Variants in ACSS1 observed in about 807,000 individuals in gnomAD.
ACSS1 encodes acyl-CoA synthetase short chain family member 1.
Under a neutral mutation model 75.3 loss-of-function variants are expected in ACSS1, and 42 were observed. The observed-to-expected ratio is 0.56, with a 90% CI of 0.44 to 0.72. The LOEUF is 0.72. Among genes scored for constraint, ACSS1 ranks in the 30% least tolerant of loss-of-function variants. The probability of loss-of-function intolerance (pLI) is 0.00; values close to 1 mark genes in which losing one functional copy is unlikely to be tolerated. For synonymous variants in ACSS1, 380 were observed against 376.8 expected (o/e 1.01, Z -0.10); for missense variants, 782 against 935.7 (o/e 0.84, Z 2.14).
chr20:25,020,276 C>T (rs2088598038), intron 6 of ACSS1, 129 bp from the exon 7 acceptor site: 12 of 1,268,576 alleles, frequency 9.5e-6, no homozygotes, highest in Non-Finnish European at 1.1e-5. Context: ...AAAGGGATCC[C>T]CCCAACCCCC....
chr20:25,012,899 G>A lies in ACSS1; in HGVS notation c.1620C>T (p.Gly540=), dbSNP rs762410021. ...TCCGCCCTGTGATCTGGTAATAGCC[G>A]CCCTCAGTTCGGTAAGCCCCGTCTC... ...FTGDGAYRTE[G]GYYQITGRMD... is the part of the protein sequence containing the mutation. The change falls in exon 11 of 14, where the codon GGC becomes GGT. Residue 540 remains glycine (G), a synonymous_variant. Coordinates refer to ENST00000323482, the MANE Select transcript of ACSS1 (RefSeq NM_032501.4). 23 of 1,614,016 alleles carry A rather than the reference G, an allele frequency of 1.4e-5. No homozygotes were observed. Among genetic ancestry groups the A allele is most frequent in the African/African-American group, 4.0e-5 (3 of 74,894 alleles).
In ACSS1 at chr20:25,007,862, T is replaced by C; in HGVS notation, c.1970A>G (p.Gln657Arg). Residue 657 changes from glutamine to arginine, a missense_variant, in exon 14 of 14, where the codon CAG becomes CGG. This residue lies in a region of ACSS1 where 405 missense variants were observed against 552.6 expected (regional missense o/e 0.73). Coordinates refer to ENST00000323482, the MANE Select transcript of ACSS1 (RefSeq NM_032501.4). ...LLRKIITSEA[Q>R]ELGDTTTLED... ...CAAGGTGGTAGTGTCTCCCAGCTCC[T>C]GGGCCTCACTAGTGATGATCTTCCT... The C allele has an allele frequency of 1.2e-6, 2 of 1,614,216 alleles. No individual in the cohort carries two copies. The highest frequency in any genetic ancestry group is 1.7e-6 in the Non-Finnish European group (2 of 1,180,034).
intron 2 of ACSS1, among the ~76,000 whole-genome samples, chr20:25,041,924 C>A (rs1169667177): frequency 6.6e-6 from 1 of 152,166 alleles, no homozygotes; most frequent in African/African-American, 2.4e-5. Context: ...GGAAGGACGC[C>A]AGACTCCATT....
chr20:25,022,900 T>A, intron 5 of ACSS1, 40 bp downstream of exon 5: 1 of 1,559,928 alleles, frequency 6.4e-7, no homozygotes, highest in Non-Finnish European at 8.7e-7. Flanking sequence ...CCTGCCTGGA[T>A]CCCTGCCAAG....
At chr20:25,023,786 G>A (rs1008181560) in intron 3 of ACSS1, 145 bp from the exon 4 acceptor site, 24 of 774,590 alleles carry the variant, frequency 3.1e-5, no homozygotes, top group Non-Finnish European at 4.5e-5. Flanking sequence ...AAAGTGAGGG[G>A]CTGCCTGCTC....
chr20:25,011,455 C>T (rs1391684374), intron 12 of ACSS1: 3 of 152,324 alleles, frequency 2.0e-5, no homozygotes, highest in African/African-American at 7.2e-5. Context: ...CCCTGTGGAC[C>T]CCCAGCCCAG....
At chr20:25,010,759 A>G (rs1380532378) in intron 12 of ACSS1, 1 of 152,334 alleles carries the variant, frequency 6.6e-6, no homozygotes, top group African/African-American at 2.4e-5. Flanking sequence ...TGGAGGGAGG[A>G]AACCTTCCAC....
At chr20:25,032,124 G>C (rs2088834823) in intron 2 of ACSS1, among the ~76,000 whole-genome samples, 1 of 152,132 alleles carries the variant, frequency 6.6e-6, no homozygotes, top group Non-Finnish European at 1.5e-5. Flanking sequence ...GCACAAGGTG[G>C]GTGAGCAGCA....
chr20:25,039,955 C>G (rs2122721336), intron 2 of ACSS1, among the ~76,000 whole-genome samples: 1 of 152,358 alleles, frequency 6.6e-6, no homozygotes, highest in East Asian at 1.9e-4. Context: ...CAGCCCAGGA[C>G]AAGAGCACAC....
rs892929132 is a variant in ACSS1, at chr20:25,008,727, G to A, written c.1890+543C>T. On this transcript the variant is annotated intron_variant, in intron 13 of 13. Transcript: ENST00000323482. ...CTCCTTCACTGCCACCAGGAAAAGT[G>A]CTCAAGAACCACACAGGGGCTGGAG... Among the ~76,000 whole-genome samples the A allele has an allele frequency of 2.6e-5, 4 of 152,320 alleles. No homozygotes were observed. The East Asian group carries it at 7.7e-4, about 29-fold the overall frequency.
rs1435807169 is a variant in ACSS1 at position 25,030,829 on chromosome 20, C to A, written c.561G>T (p.Arg187Ser). The part of the protein sequence containing the change: ...LAVAAMLACA[R>S]IGAVHTVIFA... ...AGATGACTGTGTGGACAGCTCCGAT[C>A]CTGGCACAGGCCAGCATTGCTGCCA... The change falls in exon 3 of 14, where the codon AGG (arginine) becomes AGT (serine). Residue 187 changes from arginine (R) to serine (S), a missense_variant. By Grantham distance (110) the Arg-to-Ser change is moderately radical. Around this residue, in one of 2 missense-constraint regions of ACSS1, gnomAD observed 377 missense variants for 383.1 expected, o/e 0.98. Transcript: ENST00000323482. The A allele has an allele frequency of 1.2e-6, 2 of 1,614,134 alleles. No individual in the cohort carries two copies. The highest frequency in any genetic ancestry group is 1.7e-6 in the Non-Finnish European group (2 of 1,180,052).
At chr20:25,028,277 A>G (rs1365330452) in intron 3 of ACSS1, among the ~76,000 whole-genome samples, 4 of 152,256 alleles carry the variant, frequency 2.6e-5, no homozygotes, top group African/African-American at 9.6e-5. Context: ...CTATGAAAAT[A>G]CAAGAAAGCA....
chr20:25,023,196 C>A (rs1476108403), intron 4 of ACSS1, 104 bp from the exon 5 acceptor site: 1 of 1,373,788 alleles, frequency 7.3e-7, no homozygotes, highest in Non-Finnish European at 9.7e-7. Context: ...TCAGAATTCA[C>A]CTGCTCTGAC....
chr20:25,010,186 C>T (rs1420979315), intron 12 of ACSS1: 1 of 152,486 alleles, frequency 6.6e-6, no homozygotes, highest in East Asian at 1.9e-4. Flanking sequence ...ATATGTGTGG[C>T]TCTCCTACTG....
intron 1 of ACSS1, among the ~76,000 whole-genome samples, chr20:25,053,403 G>A (rs1478003817): frequency 6.6e-6 from 1 of 151,960 alleles, no homozygotes; most frequent in Non-Finnish European, 1.5e-5. Flanking sequence ...TTCCCTGGCA[G>A]GCTTTGAGAT....
rs2089270979 is a variant in ACSS1 at position 25,058,042 on chromosome 20, A to G, written c.61T>C (p.Ser21Pro). ...CACGGCGGCCGCGCGGGCTGCCCCG[A>G]GAGCCCTCGCAGGCTGCCCAGCAGC... ...GRLLGSLRGLSGQPARPPCGV... is the reference protein window; with the variant it reads ...GRLLGSLRGLPGQPARPPCGV... The change falls in exon 1 of 14, where the codon TCG becomes CCG. Residue 21 changes from serine (S) to proline (P), a missense_variant. This residue lies in a region of ACSS1 where 377 missense variants were observed against 383.1 expected (regional missense o/e 0.98). Coordinates refer to ENST00000323482, the MANE Select transcript of ACSS1 (RefSeq NM_032501.4). The G allele has an allele frequency of 2.9e-6, 4 of 1,359,014 alleles. No individual in the cohort carries two copies. The South Asian group carries it at 5.4e-5, about 18-fold the overall frequency. The allele number at this position is 1,359,014 out of a possible 1,614,324, so 84.2% of individuals were successfully genotyped here. A position where few individuals can be genotyped will look rare whatever the true frequency, so the allele number is the denominator to read the frequency against.
chr20:25,007,689 A>G lies in ACSS1; in HGVS notation c.*73T>C, dbSNP rs1483739234. The G allele has an allele frequency of 6.4e-7, 1 of 1,570,972 alleles. No homozygotes were observed. The highest frequency in any genetic ancestry group is 8.6e-7 in the Non-Finnish European group (1 of 1,158,826). ...TGGGACGTAGGAAGACGCCAACCTC[A>G]GGGGTACCTTCTGGGAAGGACAAGC... On this transcript the variant is annotated 3_prime_UTR_variant, in exon 14 of 14. Coordinates refer to ENST00000323482, the MANE Select transcript of ACSS1 (RefSeq NM_032501.4).
At chr20:25,053,357 G>T (rs1159362642) in intron 1 of ACSS1, among the ~76,000 whole-genome samples, 1 of 151,690 alleles carries the variant, frequency 6.6e-6, no homozygotes, top group African/African-American at 2.4e-5. Flanking sequence ...GAGCCACGGC[G>T]CCTGGCCCAC....
chr20:25,058,070 C>T lies in ACSS1; in HGVS notation c.33G>A (p.Gly11=). 1 of 1,271,642 alleles carries T rather than the reference C, an allele frequency of 7.9e-7. No individual in the cohort carries two copies. Among genetic ancestry groups the T allele is most frequent in the Non-Finnish European group, 9.9e-7 (1 of 1,012,978 alleles). 78.8% of individuals were successfully genotyped at this position (1,271,642 alleles called of 1,614,324 possible). A position where few individuals can be genotyped will look rare whatever the true frequency, so the allele number is the denominator to read the frequency against. The change falls in exon 1 of 14, where the codon GGG becomes GGA. Residue 11 remains glycine, a synonymous_variant. Transcript: ENST00000323482. MAARTLGRGV[G]RLLGSLRGLS... ...GCCCTCGCAGGCTGCCCAGCAGCCT[C>T]CCGACGCCGCGGCCCAGGGTGCGCG... is the stretch of plus-strand genomic sequence containing the variant.
Sources: allele counts gnomAD v4.1 joint callset (sites outside exome capture counted in the v4.1 genomes callset), GRCh38; gene constraint gnomAD v4.1.1; regional missense constraint gnomAD v4.1.1; transcripts MANE v1.5; gene names NCBI Gene and HGNC (gene_info 2026-07-23, HGNC 2026-07-21).